Variants in IGF1 observed in about 807,000 individuals in gnomAD.
IGF1 encodes insulin-like growth factor 1.
A neutral mutation model predicts 13.8 loss-of-function variants in IGF1; 4 were observed. The observed-to-expected ratio is 0.29, with a 90% confidence interval of 0.14 to 0.66. The LOEUF (loss-of-function observed/expected upper bound fraction) is 0.66, where lower values mean the gene tolerates loss of function less well. Among genes scored for constraint, IGF1 ranks in the 30% least tolerant of loss-of-function variants. The pLI, the probability that IGF1 is intolerant of heterozygous loss-of-function variation, is 0.78. For synonymous variants in IGF1, 76 were observed against 72.6 expected (o/e 1.05, Z -0.23); for missense variants, 124 against 188.5 (o/e 0.66, Z 2.00).
intron 2 of IGF1, among the ~76,000 whole-genome samples, chr12:102,471,876 A>G (rs531040214): frequency 7.8e-4 from 119 of 152,316 alleles, no homozygotes; most frequent in Non-Finnish European, 1.6e-3. Context: ...GAAATTCCAC[A>G]GGCCCATAGC....
intron 2 of IGF1, among the ~76,000 whole-genome samples, chr12:102,457,800 A>T (rs1301755933): frequency 6.6e-6 from 1 of 152,194 alleles, no homozygotes; most frequent in Non-Finnish European, 1.5e-5. Context: ...ATTCTGACAT[A>T]TGGGTAAGAA....
chr12:102,417,776 C>T (rs755787144), intron 3 of IGF1: 47 of 1,611,554 alleles, frequency 2.9e-5, no homozygotes, highest in Admixed American at 8.4e-5. Flanking sequence ...GTCTGCTCCT[C>T]TCTCATCATC....
At chr12:102,409,810 GGTGATT>G (rs1874478320) in intron 3 of IGF1, among the ~76,000 whole-genome samples, 1 of 152,184 alleles carries the variant, frequency 6.6e-6, no homozygotes, top group African/African-American at 2.4e-5. Context: ...GATTAAATGA[GGTGATT>G]CCCTATAGCT....
intron 2 of IGF1, among the ~76,000 whole-genome samples, chr12:102,426,663 G>A (rs942352593): frequency 6.6e-6 from 1 of 152,268 alleles, no homozygotes; most frequent in East Asian, 1.9e-4. Flanking sequence ...TTGACCCCTT[G>A]TTACCTTTGA....
At chr12:102,453,625 T>C (rs1820360320) in intron 2 of IGF1, among the ~76,000 whole-genome samples, 1 of 152,204 alleles carries the variant, frequency 6.6e-6, no homozygotes, top group Admixed American at 6.5e-5. Flanking sequence ...GTTTCTCTTA[T>C]GATGAAGTTG....
chr12:102,449,974 G>T (rs2137141871), intron 2 of IGF1, among the ~76,000 whole-genome samples: 1 of 152,128 alleles, frequency 6.6e-6, no homozygotes, highest in East Asian at 1.9e-4. Context: ...ATAGAGAGAG[G>T]GCGAGTTCTC....
intron 2 of IGF1, among the ~76,000 whole-genome samples, chr12:102,457,178 A>G (rs1271752049): frequency 6.6e-6 from 1 of 152,202 alleles, no homozygotes; most frequent in Non-Finnish European, 1.5e-5. Flanking sequence ...CAAAATAAAT[A>G]TTATTCAAAT....
chr12:102,436,718 T>C (rs1240630968), intron 2 of IGF1, among the ~76,000 whole-genome samples: 1 of 152,246 alleles, frequency 6.6e-6, no homozygotes, highest in Non-Finnish European at 1.5e-5. Context: ...ATTTTTTATT[T>C]ATCAGTTAGG....
chr12:102,422,152 G>A (rs78199468), intron 2 of IGF1, among the ~76,000 whole-genome samples: 2 of 152,138 alleles, frequency 1.3e-5, no homozygotes, highest in Non-Finnish European at 2.9e-5. Flanking sequence ...TCTGTAGATC[G>A]ATGGGTTTAG....
intron 2 of IGF1, among the ~76,000 whole-genome samples, chr12:102,426,801 C>G (rs892283706): frequency 1.3e-5 from 2 of 152,158 alleles, no homozygotes; most frequent in Non-Finnish European, 2.9e-5. Flanking sequence ...AAATGGTTTC[C>G]CAATCACTTT....
chr12:102,453,696 G>A (rs1429614213), intron 2 of IGF1, among the ~76,000 whole-genome samples: 1 of 152,196 alleles, frequency 6.6e-6, no homozygotes, highest in Non-Finnish European at 1.5e-5. Flanking sequence ...CATTTCCATG[G>A]CTAGGGATGT....
intron 2 of IGF1, among the ~76,000 whole-genome samples, chr12:102,441,915 C>CTTCCT (rs1555244052): frequency 8.2e-6 from 1 of 122,140 alleles, no homozygotes; most frequent in African/African-American, 3.1e-5. Context: ...TGCTTCTTCT[C>CTTCCT]CTTCTTCTTC....
chr12:102,452,779 G>A (rs1399460940), intron 2 of IGF1, among the ~76,000 whole-genome samples: 2 of 152,166 alleles, frequency 1.3e-5, no homozygotes, highest in Non-Finnish European at 2.9e-5. Context: ...GAAAGAGCTG[G>A]GTCAAAGAGG....
At chr12:102,417,925 G>A (rs758224738) in intron 3 of IGF1, 2 of 1,613,154 alleles carry the variant, frequency 1.2e-6, no homozygotes, top group Non-Finnish European at 1.7e-6. Flanking sequence ...CCCTCCTTCT[G>A]TTCCCCTCCT....
intron 2 of IGF1, among the ~76,000 whole-genome samples, chr12:102,441,911 T>TGCC: frequency 8.6e-6 from 1 of 116,114 alleles, no homozygotes; most frequent in Non-Finnish European, 1.8e-5. Flanking sequence ...ACACTGCTTC[T>TGCC]TCTCCTTCTT....
At chr12:102,454,619 C>T (rs1209790386) in intron 2 of IGF1, among the ~76,000 whole-genome samples, 1 of 152,170 alleles carries the variant, frequency 6.6e-6, no homozygotes, top group Non-Finnish European at 1.5e-5. Context: ...TTTAGGCCAG[C>T]CTATTTAAGA....
chr12:102,446,151 G>A (rs1878306629), intron 2 of IGF1, among the ~76,000 whole-genome samples: 1 of 152,156 alleles, frequency 6.6e-6, no homozygotes, highest in Non-Finnish European at 1.5e-5. Context: ...TTTTCATATT[G>A]ATGTTCATCA....
chr12:102,434,255 C>T (rs1168849075), intron 2 of IGF1, among the ~76,000 whole-genome samples: 1 of 145,524 alleles, frequency 6.9e-6, no homozygotes, highest in Non-Finnish European at 1.5e-5. Context: ...CCCACTAACT[C>T]GTCATCTAGC....
intron 2 of IGF1, among the ~76,000 whole-genome samples, chr12:102,446,951 C>G: frequency 6.6e-6 from 1 of 152,040 alleles, no homozygotes; most frequent in Non-Finnish European, 1.5e-5. Context: ...TTTCTAAGAA[C>G]TTATTTATTT....
Sources: gnomAD v4.1 joint callset for allele counts (sites outside exome capture counted in the v4.1 genomes callset) on GRCh38, gnomAD v4.1.1 for gene constraint, MANE v1.5 for transcripts, NCBI Gene and HGNC (gene_info 2026-07-23, HGNC 2026-07-21) for gene names.